The following SORCS1 variants were observed in gnomAD, a reference collection of about 807,000 sequenced individuals.
The protein encoded by SORCS1 is VPS10 domain-containing receptor SorCS1.
A neutral mutation model predicts 146.1 loss-of-function variants in SORCS1; 60 were observed. The observed-to-expected ratio is 0.41, with a 90% CI of 0.33 to 0.51. SORCS1 has a LOEUF of 0.51. Among genes scored for constraint, SORCS1 ranks in the 20% least tolerant of loss-of-function variants. The pLI, the probability that SORCS1 is intolerant of heterozygous loss-of-function variation, is 0.21. For synonymous variants in SORCS1, 637 were observed against 584.0 expected, an observed-to-expected ratio of 1.09 and a Z score of -1.31; for missense variants, 1,352 against 1,487.6, an observed-to-expected ratio of 0.91 and a Z score of 1.50.
chr10:107,094,801 A>T (rs1463913600), intron 1 of SORCS1, among the ~76,000 whole-genome samples: 2 of 152,210 alleles, frequency 1.3e-5, no homozygotes, highest in African/African-American at 4.8e-5. Context: ...GACCCCTAAG[A>T]ACGGGAGAAG....
intron 2 of SORCS1, among the ~76,000 whole-genome samples, chr10:106,922,801 T>C (rs771300053): frequency 6.6e-6 from 1 of 152,144 alleles, no homozygotes; most frequent in Non-Finnish European, 1.5e-5. Context: ...TTTAGTATCA[T>C]ATAGAATAGT....
intron 9 of SORCS1, among the ~76,000 whole-genome samples, chr10:106,697,976 GAAGTGGAAAAACTT>G (rs1208953210): frequency 6.6e-6 from 1 of 152,200 alleles, no homozygotes; most frequent in African/African-American, 2.4e-5. Context: ...GGCAGGAGAA[GAAGTGGAAAAACTT>G]ATGAAAGTAT....
At chr10:106,749,778 C>G (rs777023433) in intron 5 of SORCS1, among the ~76,000 whole-genome samples, 3 of 152,182 alleles carry the variant, frequency 2.0e-5, no homozygotes, top group Non-Finnish European at 4.4e-5. Flanking sequence ...TTAACATTTA[C>G]TCATCACATA....
At chr10:107,168,316 A>G (rs1298242199), upstream of SORCS1, among the ~76,000 whole-genome samples, 1 of 152,186 alleles carries the variant, frequency 6.6e-6, no homozygotes, top group Non-Finnish European at 1.5e-5. Flanking sequence ...TACAGAAGAA[A>G]TTTATTCCAC....
chr10:107,170,963 G>A, the SORCS1 span, among the ~76,000 whole-genome samples: 1 of 152,154 alleles, frequency 6.6e-6, no homozygotes, highest in Non-Finnish European at 1.5e-5. Context: ...CTCACTAACT[G>A]TACATTATCA....
intron 2 of SORCS1, among the ~76,000 whole-genome samples, chr10:106,943,164 G>C (rs1954139023): frequency 6.6e-6 from 1 of 152,136 alleles, no homozygotes. Flanking sequence ...GATAAATTTG[G>C]TGGCTACTTC....
chr10:106,773,944 A>T (rs1170979456), intron 4 of SORCS1, among the ~76,000 whole-genome samples: 2 of 151,118 alleles, frequency 1.3e-5, no homozygotes, highest in African/African-American at 2.5e-5. Context: ...GCAAGACTCC[A>T]TCTCAAAAAA....
rs35223659 is a variant in SORCS1 at position 106,665,388 on chromosome 10, C to CTTT, written c.2303+2298_2303+2300dup. Among the ~76,000 whole-genome samples the CTTT allele has an allele frequency of 8.9e-5, 12 of 134,996 alleles. No individual in the cohort carries two copies. In the East Asian group the frequency reaches 1.3e-3, roughly 14 times the overall value. The allele number at this position is 134,996 out of a possible 152,430, so 88.6% of individuals were successfully genotyped here. A position where few individuals can be genotyped will look rare whatever the true frequency, so the allele number is the denominator to read the frequency against. ...TCCTTCCCTTTTTTTTTCTCTCTCT[C>CTTT]TTTTTTTTTTTTTTTAATAGATGGG... is the stretch of plus-strand genomic sequence containing the variant. On this transcript the variant is annotated intron_variant, in intron 17 of 25. Coordinates refer to ENST00000263054, the MANE Select transcript of SORCS1 (RefSeq NM_052918.5).
chr10:107,142,208 G>A (rs971968936), intron 1 of SORCS1, among the ~76,000 whole-genome samples: 1 of 152,116 alleles, frequency 6.6e-6, no homozygotes, highest in African/African-American at 2.4e-5. Context: ...AGAGGTTTGC[G>A]AGGAGGAAAT....
intron 4 of SORCS1, among the ~76,000 whole-genome samples, chr10:106,772,893 A>G (rs1860133723): frequency 6.6e-6 from 1 of 152,126 alleles, no homozygotes; most frequent in African/African-American, 2.4e-5. Context: ...CGGAGCTCCA[A>G]ACTCTGTCCT....
intron 1 of SORCS1, among the ~76,000 whole-genome samples, chr10:107,144,243 T>C (rs1008490432): frequency 6.1e-4 from 93 of 152,202 alleles, no homozygotes; most frequent in African/African-American, 2.2e-3. Context: ...CCTTTGCACA[T>C]ACCAAATTAT....
rs1470826592 is a variant in SORCS1, at chr10:107,164,189, G to C, written c.338C>G (p.Ala113Gly). ...ARSGRRRRSG[A>G]DQEKAERGEG... is the part of the protein sequence containing the mutation. ...TCCCCGTTCTGCCTTCTCCTGATCCGCTCCGCTCCGTCTCCTCCGGCCGGA... is the reference window on the plus strand; with the variant it reads ...TCCCCGTTCTGCCTTCTCCTGATCCCCTCCGCTCCGTCTCCTCCGGCCGGA... The change falls in exon 1 of 26, where the codon GCG becomes GGG. Residue 113 changes from alanine (A) to glycine (G), a missense_variant. Ala to Gly is a moderately conservative substitution (Grantham distance 60). This residue lies in a region of SORCS1 where 490 missense variants were observed against 489.1 expected (regional missense o/e 1.00). Coordinates refer to ENST00000263054, the MANE Select transcript of SORCS1 (RefSeq NM_052918.5). This position sits in a 1 kb window ranked among gnomAD's most constrained non-coding sequence, Gnocchi z 6.8. The C allele has an allele frequency of 3.1e-6, 5 of 1,611,302 alleles. No individual in the cohort carries two copies. The highest frequency in any genetic ancestry group is 4.2e-6 in the Non-Finnish European group (5 of 1,179,950).
chr10:106,709,869 C>A (rs1265336897), intron 6 of SORCS1, among the ~76,000 whole-genome samples: 2 of 152,208 alleles, frequency 1.3e-5, no homozygotes, highest in Non-Finnish European at 2.9e-5. Context: ...CCACCTACAT[C>A]ATCTCCTGGT....
intron 24 of SORCS1, among the ~76,000 whole-genome samples, chr10:106,587,013 C>T (rs1845281495): frequency 1.3e-5 from 2 of 152,136 alleles, no homozygotes; most frequent in African/African-American, 2.4e-5. Flanking sequence ...GAAAATATCA[C>T]ATTTAATCAT....
rs374670802 is a variant in SORCS1 at position 106,581,901 on chromosome 10, AG to A, written c.3266-2428del. ...TGTCAGGGAACAATGGAGGCTCGGA[AG>A]GGGCCACAGATGATTGGGATGGTTA... On this transcript the variant is annotated intron_variant, in intron 24 of 25. Coordinates refer to ENST00000263054, the MANE Select transcript of SORCS1 (RefSeq NM_052918.5). Among the ~76,000 whole-genome samples the A allele has an allele frequency of 4.8e-4, 73 of 152,318 alleles. 2 individuals carry two copies. In the East Asian group the frequency reaches 0.013, roughly 27 times the overall value.
intron 17 of SORCS1, among the ~76,000 whole-genome samples, chr10:106,662,051 C>T (rs207471349): frequency 6.6e-6 from 1 of 152,224 alleles, no homozygotes; most frequent in Non-Finnish European, 1.5e-5. Context: ...GGACATTCTG[C>T]ACCAAGTTCA....
intron 5 of SORCS1, among the ~76,000 whole-genome samples, chr10:106,747,368 C>T (rs1230622700): frequency 6.6e-6 from 1 of 152,170 alleles, no homozygotes; most frequent in African/African-American, 2.4e-5. Flanking sequence ...TGTTTCCATC[C>T]ATTTCTCTAG....
chr10:106,790,180 A>C (rs1209609624), intron 3 of SORCS1, among the ~76,000 whole-genome samples: 1 of 152,172 alleles, frequency 6.6e-6, no homozygotes, highest in Admixed American at 6.5e-5. Context: ...TAATTCCTTC[A>C]ATTTGTTACT....
At chr10:106,583,836 C>T (rs1267654878) in intron 24 of SORCS1, among the ~76,000 whole-genome samples, 2 of 152,064 alleles carry the variant, frequency 1.3e-5, no homozygotes, top group East Asian at 1.9e-4. Flanking sequence ...GCCCTTTGCT[C>T]GGTTTCTTTC....
Sources: allele counts gnomAD v4.1 joint callset (sites outside exome capture counted in the v4.1 genomes callset), GRCh38; gene constraint gnomAD v4.1.1; regional missense constraint gnomAD v4.1.1; non-coding constraint Gnocchi (gnomAD v3.1); transcripts MANE v1.5; gene names NCBI Gene and HGNC (gene_info 2026-07-23, HGNC 2026-07-21).